KLF12: variants seen among roughly 807,000 people sequenced by gnomAD.
The protein encoded by KLF12 is Krueppel-like factor 12.
A neutral mutation model predicts 37.8 loss-of-function variants in KLF12; 9 were observed. The ratio of observed to expected loss-of-function variants is 0.24; its 90% CI spans 0.14 to 0.42. The LOEUF (loss-of-function observed/expected upper bound fraction) is 0.42, where lower values mean the gene tolerates loss of function less well. Among genes scored for constraint, KLF12 ranks in the 10% least tolerant of loss-of-function variants. The pLI is 1.00. For missense variants in KLF12, 411 were observed against 516.0 expected (o/e 0.80, Z 1.97); for synonymous variants, 208 against 202.1 (o/e 1.03, Z -0.25).
Position 73,687,109 on chromosome 13 carries a change from G to A in KLF12, c.*8381C>T, listed in dbSNP as rs930830263. On this transcript the variant is annotated 3_prime_UTR_variant, in exon 8 of 8. Coordinates refer to ENST00000377669, the MANE Select transcript of KLF12 (RefSeq NM_007249.5). ...TGTTCTCATCGTTTCACAACACAAA[G>A]TTCTGAGTACATTCTTCTATGGACA... 2 of 152,524 alleles carry A rather than the reference G, an allele frequency of 1.3e-5. No individual in the cohort carries two copies. Among genetic ancestry groups the A allele is most frequent in the Non-Finnish European group, 2.9e-5 (2 of 68,022 alleles). The allele number at this position is 152,524 out of a possible 1,614,324, so 9.4% of individuals were successfully genotyped here. A position where few individuals can be genotyped will look rare whatever the true frequency, so the allele number is the denominator to read the frequency against.
chr13:74,086,123 ATTAT>A (rs1485349873), intron 1 of KLF12, among the ~76,000 whole-genome samples: 1 of 151,654 alleles, frequency 6.6e-6, no homozygotes, highest in African/African-American at 2.4e-5. Flanking sequence ...TTTTATTATT[ATTAT>A]TATTATTACA....
chr13:74,268,276 G>T, the KLF12 span, among the ~76,000 whole-genome samples: 1 of 152,112 alleles, frequency 6.6e-6, no homozygotes, highest in South Asian at 2.1e-4. Flanking sequence ...TTTTGGCAGG[G>T]TGATTACTTT....
intron 3 of KLF12, among the ~76,000 whole-genome samples, chr13:73,854,891 A>T (rs888314942): frequency 1.3e-5 from 2 of 152,190 alleles, no homozygotes; most frequent in Non-Finnish European, 2.9e-5. Flanking sequence ...TCGAGGGACA[A>T]CTGTATATAC....
the KLF12 span, among the ~76,000 whole-genome samples, chr13:74,148,900 C>T: frequency 3.3e-5 from 5 of 152,120 alleles, no homozygotes; most frequent in East Asian, 1.9e-4. Flanking sequence ...CTGCAGCCTC[C>T]GCCTCCCGGG....
the KLF12 span, among the ~76,000 whole-genome samples, chr13:74,138,954 C>A: frequency 6.6e-6 from 1 of 152,008 alleles, no homozygotes; most frequent in African/African-American, 2.4e-5. Flanking sequence ...ACGATTCCTG[C>A]ATACCCCACA....
chr13:73,805,273 T>C (rs1005986492), intron 5 of KLF12, among the ~76,000 whole-genome samples: 8 of 152,176 alleles, frequency 5.3e-5, no homozygotes, highest in Non-Finnish European at 1.0e-4. Flanking sequence ...AATATAATTA[T>C]TTCTCCCTAA....
intron 1 of KLF12, among the ~76,000 whole-genome samples, chr13:74,052,747 T>C (rs1418285293): frequency 1.3e-5 from 2 of 152,160 alleles, no homozygotes; most frequent in Non-Finnish European, 2.9e-5. Flanking sequence ...CAAAAGGACA[T>C]CCTTACTGGT....
chr13:74,016,158 C>G (rs1892683033), intron 1 of KLF12, among the ~76,000 whole-genome samples: 1 of 151,696 alleles, frequency 6.6e-6, no homozygotes, highest in Admixed American at 6.6e-5. Flanking sequence ...GAAAAATGGA[C>G]CAAAAACAAA....
At position 73,925,654 on chromosome 13, in the gene KLF12, T is replaced by G. The variant is rs1455234918; in HGVS notation, c.123+18327A>C. ...TTCAATTATTATTATTAAAGAAATATATTTCATACAGTTATAGCTGCCATA... is the reference window on the plus strand; with the variant it reads ...TTCAATTATTATTATTAAAGAAATAGATTTCATACAGTTATAGCTGCCATA... On this transcript the variant is annotated intron_variant, in intron 3 of 7. Transcript: ENST00000377669. 2.6e-5 allele frequency among the ~76,000 whole-genome samples: 4 copies of G among 152,214 alleles called. No individual in the cohort carries two copies. In the East Asian group the frequency reaches 7.7e-4, roughly 29 times the overall value.
At chr13:73,770,378 A>G (rs1262872692) in intron 5 of KLF12, among the ~76,000 whole-genome samples, 2 of 152,174 alleles carry the variant, frequency 1.3e-5, no homozygotes, top group African/African-American at 4.8e-5. Flanking sequence ...TCCTCAGGCC[A>G]GTGATTAAAT....
chr13:73,739,980 T>C (rs960539564), intron 6 of KLF12, among the ~76,000 whole-genome samples: 24 of 139,210 alleles, frequency 1.7e-4, no homozygotes, highest in African/African-American at 6.1e-4. Flanking sequence ...TAGAAAGCCA[T>C]GAGAAGGAAC....
chr13:74,302,191 C>A, the KLF12 span, among the ~76,000 whole-genome samples: 12 of 152,208 alleles, frequency 7.9e-5, no homozygotes, highest in Admixed American at 7.2e-4. Context: ...AAGTTCTATA[C>A]CAACAATTAT....
the KLF12 span, among the ~76,000 whole-genome samples, chr13:74,161,829 A>C: frequency 2.0e-5 from 3 of 152,204 alleles, no homozygotes; most frequent in Admixed American, 2.0e-4. Context: ...CATATACGTA[A>C]GCAAATCCAC....
chr13:74,270,570 G>T, the KLF12 span, among the ~76,000 whole-genome samples: 1 of 152,170 alleles, frequency 6.6e-6, no homozygotes, highest in Non-Finnish European at 1.5e-5. Flanking sequence ...TTGGGACCTC[G>T]CAAACCTTGC....
intron 3 of KLF12, among the ~76,000 whole-genome samples, chr13:73,921,795 CGT>C (rs1241490813): frequency 6.6e-6 from 1 of 152,144 alleles, no homozygotes; most frequent in Non-Finnish European, 1.5e-5. Context: ...TTTCTAGATA[CGT>C]GTCTTTTGCA....
At chr13:73,797,788 A>G (rs1882070514) in intron 5 of KLF12, among the ~76,000 whole-genome samples, 1 of 151,754 alleles carries the variant, frequency 6.6e-6, no homozygotes. Context: ...AAAAAAAAAA[A>G]AAAAAGCATT....
At chr13:74,290,118 C>T in the KLF12 span, among the ~76,000 whole-genome samples, 1 of 152,122 alleles carries the variant, frequency 6.6e-6, no homozygotes, top group South Asian at 2.1e-4. Flanking sequence ...CTGCTAGACC[C>T]CCAGACAGCA....
the KLF12 span, among the ~76,000 whole-genome samples, chr13:74,239,845 G>A: frequency 3.0e-4 from 45 of 151,664 alleles, no homozygotes; most frequent in Admixed American, 5.3e-4. Flanking sequence ...GTCTCTGCAC[G>A]TGAGATGGGT....
intron 6 of KLF12, among the ~76,000 whole-genome samples, chr13:73,738,784 T>C (rs1275026065): frequency 1.3e-5 from 2 of 152,202 alleles, no homozygotes; most frequent in African/African-American, 4.8e-5. Flanking sequence ...TGATGACTGT[T>C]ACTTCTGAAG....
Sources: allele counts gnomAD v4.1 joint callset (sites outside exome capture counted in the v4.1 genomes callset), GRCh38; gene constraint gnomAD v4.1.1; transcripts MANE v1.5; gene names NCBI Gene and HGNC (gene_info 2026-07-23, HGNC 2026-07-21).